The following NUMA1 variants were observed in gnomAD, a reference collection of about 807,000 sequenced individuals.
The protein encoded by NUMA1 is nuclear mitotic apparatus protein 1.
NUMA1 carries 62 observed loss-of-function variants against 237.1 expected under a neutral mutation model. That is an observed-to-expected ratio of 0.26 (90% CI 0.21 to 0.32). The LOEUF (loss-of-function observed/expected upper bound fraction) is 0.32, where lower values mean the gene tolerates loss of function less well. Among genes scored for constraint, NUMA1 ranks in the 10% least tolerant of loss-of-function variants. NUMA1 has a pLI of 1.00. For missense variants in NUMA1, 2,533 were observed against 2,666.5 expected, an observed-to-expected ratio of 0.95 and a Z score of 1.10; for synonymous variants, 1,028 against 1,066.1, an observed-to-expected ratio of 0.96 and a Z score of 0.70.
At chr11:72,079,172 G>T (rs1291070349) in intron 1 of NUMA1, among the ~76,000 whole-genome samples, 1 of 152,158 alleles carries the variant, frequency 6.6e-6, no homozygotes, top group African/African-American at 2.4e-5. Context: ...CGCAAATCCT[G>T]CCTAGCCATT....
chr11:72,015,326 G>T lies in NUMA1; in HGVS notation c.2177C>A (p.Ala726Glu). Residue 726 changes from alanine (A) to glutamate (E), a missense_variant, in exon 15 of 27, where the codon GCA (alanine) becomes GAA (glutamate). Ala to Glu is a moderately radical substitution (Grantham distance 107, BLOSUM62 -1). Coordinates refer to ENST00000393695, the MANE Select transcript of NUMA1 (RefSeq NM_006185.4). The surrounding 1 kb of genome is among the most constrained non-coding windows in gnomAD (Gnocchi z 4.0). ...GSLEEEKRRA[A>E]DALEEQQRCI... ...ACGCTGCTGCTCTTCCAGGGCATCT[G>T]CAGCCCTGCGCTTCTCCTCTTCAAG... The T allele has an allele frequency of 6.2e-7, 1 of 1,613,396 alleles. No homozygotes were observed. The highest frequency in any genetic ancestry group is 8.5e-7 in the Non-Finnish European group (1 of 1,180,046).
chr11:72,022,815 A>G (rs1245231118), intron 6 of NUMA1, among the ~76,000 whole-genome samples: 1 of 152,148 alleles, frequency 6.6e-6, no homozygotes, highest in African/African-American at 2.4e-5. Flanking sequence ...CGAGGCCCAC[A>G]GTAATGGTCT....
chr11:72,076,257 C>G (rs1943702629), intron 1 of NUMA1, among the ~76,000 whole-genome samples: 1 of 152,054 alleles, frequency 6.6e-6, no homozygotes, highest in African/African-American at 2.4e-5. Context: ...ACCTGTAGTC[C>G]CAGCTACTTG....
rs774978513 is a variant in NUMA1 at position 72,018,380 on chromosome 11, G to A, written c.860+16C>T. ...GAGGGGCTGGGGCCTGGGAAGGAATGCAGGGAGAGCTGTACCTCTCATTCT... is the reference window on the plus strand; with the variant it reads ...GAGGGGCTGGGGCCTGGGAAGGAATACAGGGAGAGCTGTACCTCTCATTCT... On this transcript the variant is annotated intron_variant, in intron 11 of 26. Coordinates refer to ENST00000393695, the MANE Select transcript of NUMA1 (RefSeq NM_006185.4). 3.7e-6 allele frequency: 6 copies of A among 1,606,816 alleles called. No individual in the cohort carries two copies. The highest frequency in any genetic ancestry group is 5.1e-6 in the Non-Finnish European group (6 of 1,173,356).
chr11:72,027,554 TA>T (rs56028530), intron 4 of NUMA1, among the ~76,000 whole-genome samples: 5 of 150,652 alleles, frequency 3.3e-5, no homozygotes, highest in African/African-American at 1.2e-4. Context: ...TCTATAAGAT[TA>T]AAAAAAAATG....
intron 20 of NUMA1, chr11:72,008,226 CTTT>C (rs771596882): frequency 9.4e-6 from 4 of 425,850 alleles, no homozygotes; most frequent in African/African-American, 6.2e-5. Context: ...TTAGAATAAT[CTTT>C]TTAAGATGCA....
At position 72,014,307 on chromosome 11, in the gene NUMA1, A is replaced by G. The variant is rs764452880; in HGVS notation, c.3196T>C (p.Leu1066=). The G allele has an allele frequency of 2.2e-5, 36 of 1,613,542 alleles. No homozygotes were observed. Among genetic ancestry groups the G allele is most frequent in the Non-Finnish European group, 3.1e-5 (36 of 1,179,970 alleles). The change falls in exon 15 of 27, where the codon TTG becomes CTG. Residue 1066 remains leucine, a synonymous_variant. Coordinates refer to ENST00000393695, the MANE Select transcript of NUMA1 (RefSeq NM_006185.4). This position sits in a 1 kb window ranked among gnomAD's most constrained non-coding sequence, Gnocchi z 4.6. ...LTEKEGKDQE[L]AKLRGLEAAQ... ...GCCTCCAGACCACGAAGCTTGGCCA[A>G]CTCCTGGTCCTTGCCTTCCTTTTCC... is the stretch of plus-strand genomic sequence containing the variant.
intron 2 of NUMA1, 126 bp downstream of exon 2, chr11:72,069,716 A>G (rs555538542): frequency 6.6e-6 from 1 of 152,372 alleles, no homozygotes; most frequent in African/African-American, 2.4e-5. Flanking sequence ...GTTTGCCTCA[A>G]ATAATTGAAA....
rs147873282 is a variant in NUMA1 at position 72,014,238 on chromosome 11, G to C, written c.3265C>G (p.Gln1089Glu). The change falls in exon 15 of 27, where the codon CAA (glutamine) becomes GAA (glutamate). Residue 1089 changes from glutamine to glutamate, a missense_variant. Gln to Glu is a conservative substitution (Grantham distance 29). Coordinates refer to ENST00000393695, the MANE Select transcript of NUMA1 (RefSeq NM_006185.4). The surrounding 1 kb of genome is among the most constrained non-coding windows in gnomAD (Gnocchi z 4.6). ...ELEELRQTVKQLKEQLAKKEK... is the reference protein window; with the variant it reads ...ELEELRQTVKELKEQLAKKEK... The stretch of plus-strand genomic sequence containing the variant: ...TTCTTAGCCAGCTGTTCCTTCAGTT[G>C]CTTCACGGTTTGCCGAAGTTCCTCC... The C allele has an allele frequency of 7.0e-4, 1,135 of 1,614,000 alleles. 5 individuals carry two copies. The highest frequency in any genetic ancestry group is 2.4e-3 in the South Asian group (223 of 91,090).
At chr11:72,035,439 G>C (rs373598693) in intron 3 of NUMA1, among the ~76,000 whole-genome samples, 2 of 150,264 alleles carry the variant, frequency 1.3e-5, no homozygotes, top group Non-Finnish European at 2.9e-5. Flanking sequence ...ACCGAGTCTT[G>C]CTCTGTTGCC....
Position 72,021,306 on chromosome 11 carries a change from G to T in NUMA1, c.373-15C>A. On this transcript the variant is annotated splice_polypyrimidine_tract_variant and intron_variant, in intron 7 of 26. Coordinates refer to ENST00000393695, the MANE Select transcript of NUMA1 (RefSeq NM_006185.4). ...GCCAACTCAGCCTGGGCCACAGGGA[G>T]AAAAAGAGCATCACTTAGGTGTTAG... The T allele has an allele frequency of 6.2e-7, 1 of 1,612,180 alleles. No homozygotes were observed. The highest frequency in any genetic ancestry group is 8.5e-7 in the Non-Finnish European group (1 of 1,178,340).
Position 72,013,615 on chromosome 11 carries a change from G to A in NUMA1, c.3888C>T (p.Ser1296=). The A allele has an allele frequency of 1.2e-6, 2 of 1,611,102 alleles. No homozygotes were observed. Among genetic ancestry groups the A allele is most frequent in the Non-Finnish European group, 1.7e-6 (2 of 1,179,934 alleles). ...GCTGTTTCTCAGCCTCCTCCCGGAG[G>A]CTCTGCACCTCCTCCCGCAGAGCAG... ...RSSALREEVQ[S]LREEAEKQRV... is the part of the protein sequence containing the mutation. Residue 1296 remains serine, a synonymous_variant, in exon 15 of 27, where the codon AGC becomes AGT. Transcript: ENST00000393695. This position sits in a 1 kb window ranked among gnomAD's most constrained non-coding sequence, Gnocchi z 6.8.
In NUMA1 at chr11:72,038,968, A is replaced by C. The variant is rs545839257; in HGVS notation, c.-32-2993T>G. ...CTGGTCTCAAGAAGTAACCAAGGAC[A>C]CAGAAGCAGTTGCGTTATAAACTTA... On this transcript the variant is annotated intron_variant, in intron 2 of 26. Transcript: ENST00000393695. Among the ~76,000 whole-genome samples, 12 of 152,310 alleles carry C rather than the reference A, an allele frequency of 7.9e-5. No individual in the cohort carries two copies. The East Asian group carries it at 2.3e-3, about 29-fold the overall frequency.
intron 3 of NUMA1, among the ~76,000 whole-genome samples, chr11:72,030,761 T>G (rs1291085900): frequency 6.6e-6 from 1 of 152,264 alleles, no homozygotes. Context: ...AGTGGTTATG[T>G]GCAGACAACT....
chr11:72,055,623 T>G (rs898315396), intron 2 of NUMA1, among the ~76,000 whole-genome samples: 4 of 152,194 alleles, frequency 2.6e-5, no homozygotes, highest in African/African-American at 9.7e-5. Flanking sequence ...GTTCACCTTG[T>G]GGAAAGTCCT....
rs774838454 is a variant in NUMA1 at position 72,015,664 on chromosome 11, C to CAGA, written c.1838_1839insTCT (p.Lys613delinsAsnLeu). 6.2e-7 allele frequency: 1 copy of CAGA among 1,613,814 alleles called. No individual in the cohort carries two copies. On this transcript the variant is annotated protein_altering_variant, in exon 15 of 27. Coordinates refer to ENST00000393695, the MANE Select transcript of NUMA1 (RefSeq NM_006185.4). The surrounding 1 kb of genome is among the most constrained non-coding windows in gnomAD (Gnocchi z 4.0). ...GCTGCAGAATCTCCAGCTTGGCAGC[C>CAGA]TTCTCCTTCTCCAGTGCCTCCAGCT...
chr11:72,046,336 G>A (rs765262274), intron 2 of NUMA1, among the ~76,000 whole-genome samples: 10 of 152,136 alleles, frequency 6.6e-5, no homozygotes, highest in Non-Finnish European at 1.3e-4. Context: ...CCTGAGGTCA[G>A]GAGTTCGAGA....
At chr11:72,057,364 T>C (rs1942711004) in intron 2 of NUMA1, among the ~76,000 whole-genome samples, 1 of 152,260 alleles carries the variant, frequency 6.6e-6, no homozygotes, top group South Asian at 2.1e-4. Context: ...AAGATTTACA[T>C]ATTAATTCCA....
At chr11:72,057,668 C>T (rs968874540) in intron 2 of NUMA1, among the ~76,000 whole-genome samples, 4 of 150,822 alleles carry the variant, frequency 2.7e-5, no homozygotes, top group East Asian at 2.0e-4. Context: ...TGCTTGAACC[C>T]GGGAGGTGGA....
Sources: allele counts gnomAD v4.1 joint callset (sites outside exome capture counted in the v4.1 genomes callset), GRCh38; gene constraint gnomAD v4.1.1; non-coding constraint Gnocchi (gnomAD v3.1); transcripts MANE v1.5; gene names NCBI Gene and HGNC (gene_info 2026-07-23, HGNC 2026-07-21).